The following KLHDC2 variants were observed in gnomAD, a reference collection of about 807,000 sequenced individuals.
KLHDC2 encodes the protein kelch domain containing 2, also known as kelch domain-containing protein 2.
In KLHDC2, 38 loss-of-function variants were observed where a neutral mutation model predicts 62.3. That is an observed-to-expected ratio of 0.61 (90% CI 0.47 to 0.80). KLHDC2 has a LOEUF of 0.80. KLHDC2 is among the 30% of genes least tolerant of loss of function. The pLI is 0.00. For missense variants in KLHDC2, 430 were observed against 495.3 expected (o/e 0.87, Z 1.25); for synonymous variants, 159 against 161.0 (o/e 0.99, Z 0.09).
chr14:49,773,433 T>C (rs1463380684), intron 2 of KLHDC2, among the ~76,000 whole-genome samples: 98 of 78,044 alleles, frequency 1.3e-3, no homozygotes, highest in African/African-American at 4.0e-3. Context: ...AAAAAAAAAA[T>C]TTAAGGCCAG....
intron 2 of KLHDC2, 124 bp downstream of exon 2, chr14:49,771,797 G>A (rs2139790114): frequency 1.7e-6 from 1 of 573,770 alleles, no homozygotes; most frequent in South Asian, 2.1e-5. Flanking sequence ...GAGGTCAAGA[G>A]TTCAACACCA....
rs146646540 is a variant in KLHDC2, at chr14:49,779,666, C to G, written c.705C>G (p.Gly235=). ...GAAATAGAGGCTTCGTGTTTGGAGG[C>G]AGATATCGAGTAAGTATTCAAACGA... ...TVGNRGFVFG[G]RYRDARMNDL... The change falls in exon 7 of 13, where the codon GGC becomes GGG. Residue 235 remains glycine, a synonymous_variant. Coordinates refer to ENST00000298307, the MANE Select transcript of KLHDC2 (RefSeq NM_014315.3). 10 of 1,613,804 alleles carry G rather than the reference C, an allele frequency of 6.2e-6. No homozygotes were observed. In the African/African-American group the frequency reaches 1.2e-4, roughly 19 times the overall value.
rs60013308 is a variant in KLHDC2, at chr14:49,768,766, G to GTT, written c.153+154_153+155dup. On this transcript the variant is annotated intron_variant, in intron 1 of 12. Transcript: ENST00000298307. ...CCACCTCAGACTCTGCCCGTTGGTT[G>GTT]TTTTTTTTTTGCGCGCGGGAATCTT... 1,248 of 608,510 alleles carry GTT rather than the reference G, an allele frequency of 2.1e-3. 15 individuals are homozygous for GTT. In the African/African-American group the frequency reaches 0.022, roughly 11 times the overall value. The allele number at this position is 608,510 out of a possible 1,614,324, so 37.7% of individuals were successfully genotyped here.
chr14:49,785,889 C>CAA lies in KLHDC2; in HGVS notation c.*2951_*2952dup, dbSNP rs5808514. The CAA allele has an allele frequency of 0.91, 112,941 of 124,128 alleles. 51,802 individuals are homozygous for CAA. Among genetic ancestry groups the CAA allele is most frequent in the South Asian group, 0.98 (3,673 of 3,752 alleles). The allele number at this position is 124,128 out of a possible 1,614,324, so 7.7% of individuals were successfully genotyped here. A position where few individuals can be genotyped will look rare whatever the true frequency, so the allele number is the denominator to read the frequency against. On this transcript the variant is annotated 3_prime_UTR_variant, in exon 13 of 13. Coordinates refer to ENST00000298307, the MANE Select transcript of KLHDC2 (RefSeq NM_014315.3). ...AGCCTGGGTGACAGAGACCCTGTCT[C>CAA]AAAAAAAAAAAAAAAAGGAAAAAAA...
Position 49,783,954 on chromosome 14 carries a change from T to TATA in KLHDC2, c.*1005_*1007dup, listed in dbSNP as rs1158637486. 6 of 152,156 alleles carry TATA rather than the reference T, an allele frequency of 3.9e-5. No homozygotes were observed. The highest frequency in any genetic ancestry group is 7.2e-5 in the African/African-American group (3 of 41,440). 9.4% of individuals were successfully genotyped at this position (152,156 alleles called of 1,614,324 possible). On this transcript the variant is annotated 3_prime_UTR_variant, in exon 13 of 13. Transcript: ENST00000298307. ...ATATTTAAACCCCTTGTAGCTGGCC[T>TATA]ATAATATATATATATTAGATGTTAT...
At chr14:49,771,514 ATC>A (rs1889663611) in intron 1 of KLHDC2, 78 bp from the exon 2 acceptor site, 3 of 682,888 alleles carry the variant, frequency 4.4e-6, no homozygotes, top group South Asian at 3.4e-5. Context: ...TGAAATTAGT[ATC>A]TCAAGATCGA....
chr14:49,768,909 G>C, intron 1 of KLHDC2: 1 of 402,216 alleles, frequency 2.5e-6, no homozygotes, highest in Non-Finnish European at 4.5e-6. Context: ...GTTATTCCGG[G>C]GAAGGCCCTG....
intron 1 of KLHDC2, among the ~76,000 whole-genome samples, chr14:49,770,040 A>C (rs1476982830): frequency 6.6e-6 from 1 of 152,148 alleles, no homozygotes; most frequent in Non-Finnish European, 1.5e-5. Flanking sequence ...CCCTGGAGAA[A>C]CCTGTCAATG....
chr14:49,784,230 G>A lies in KLHDC2; in HGVS notation c.*1277G>A, dbSNP rs1053152843. The A allele has an allele frequency of 6.5e-6, 1 of 152,914 alleles. No homozygotes were observed. The highest frequency in any genetic ancestry group is 2.4e-5 in the African/African-American group (1 of 40,832). The allele number at this position is 152,914 out of a possible 1,614,324, so 9.5% of individuals were successfully genotyped here. ...CTTTTGGTGAATATAGCAAGGCAAT[G>A]TTTAGTTCATTTGGCCTGTAATATA... is the stretch of plus-strand genomic sequence containing the variant. On this transcript the variant is annotated 3_prime_UTR_variant, in exon 13 of 13. Coordinates refer to ENST00000298307, the MANE Select transcript of KLHDC2 (RefSeq NM_014315.3).
rs751372578 is a variant in KLHDC2, at chr14:49,780,167, T to G, written c.774-46T>G. ...TTTAAAAGAAAACTTAAAAATACAG[T>G]AGCTGCTTCTAAATGCAGATATTGT... On this transcript the variant is annotated intron_variant, in intron 8 of 12. Transcript: ENST00000298307. 14 of 1,180,850 alleles carry G rather than the reference T, an allele frequency of 1.2e-5. No individual in the cohort carries two copies. In the South Asian group the frequency reaches 1.6e-4, roughly 14 times the overall value. The allele number at this position is 1,180,850 out of a possible 1,614,324, so 73.1% of individuals were successfully genotyped here.
chr14:49,777,859 G>A lies in KLHDC2; in HGVS notation c.372G>A (p.Arg124=), dbSNP rs760602713. The change falls in exon 4 of 13, where the codon AGG becomes AGA. Residue 124 remains arginine, a synonymous_variant. Transcript: ENST00000298307. The part of the protein sequence containing the change: ...NTNKFYMLDS[R]STDRVLQWER... Reference sequence around the variant, plus strand: ...GACAGTTCTACATGCTGGATTCAAGGTCTACAGACAGAGTGTTACAGTGGG... The same window carrying A: ...GACAGTTCTACATGCTGGATTCAAGATCTACAGACAGAGTGTTACAGTGGG... The A allele has an allele frequency of 4.4e-6, 7 of 1,599,714 alleles. No homozygotes were observed. Among genetic ancestry groups the A allele is most frequent in the Non-Finnish European group, 6.0e-6 (7 of 1,171,324 alleles).
chr14:49,781,239 TG>T (rs1168337545), intron 10 of KLHDC2, among the ~76,000 whole-genome samples: 2 of 151,956 alleles, frequency 1.3e-5, no homozygotes, highest in Admixed American at 6.6e-5. Context: ...TGGTGGCGTA[TG>T]CCTGTATAAT....
At position 49,768,592 on chromosome 14, in the gene KLHDC2, C is replaced by A. The variant is rs754731731; in HGVS notation, c.124C>A (p.Arg42Ser). The A allele has an allele frequency of 1.2e-5, 19 of 1,602,134 alleles. No individual in the cohort carries two copies. The highest frequency in any genetic ancestry group is 8.6e-5 in the Admixed American group (5 of 58,382). The stretch of plus-strand genomic sequence containing the variant: ...CGGCCACGTAGCCGTCAGCGACGGG[C>A]GCCACATGTTCGTCTGGGGCGGCTA... ...RSGHVAVSDG[R>S]HMFVWGGYKS... Residue 42 changes from arginine (R) to serine (S), a missense_variant, in exon 1 of 13, where the codon CGC becomes AGC. By Grantham distance (110) the Arg-to-Ser change is moderately radical. Transcript: ENST00000298307.
rs761522077 is a variant in KLHDC2 at position 49,780,329 on chromosome 14, C to A, written c.883+7C>A. On this transcript the variant is annotated splice_region_variant and intron_variant, in intron 9 of 12. Transcript: ENST00000298307. ...ACTGATAAACAGCCACTAAGTAAGT[C>A]CTTGAAAAATATGATAATGAAATCA... The A allele has an allele frequency of 2.3e-5, 34 of 1,493,754 alleles. No homozygotes were observed. The highest frequency in any genetic ancestry group is 3.1e-5 in the Non-Finnish European group (33 of 1,070,608). 92.5% of individuals were successfully genotyped at this position (1,493,754 alleles called of 1,614,324 possible).
At position 49,771,617 on chromosome 14, in the gene KLHDC2, T is replaced by A; in HGVS notation, c.177T>A (p.Tyr59Ter). 6.7e-7 allele frequency: 1 copy of A among 1,501,174 alleles called. No individual in the cohort carries two copies. Among genetic ancestry groups the A allele is most frequent in the Non-Finnish European group, 9.3e-7 (1 of 1,077,580 alleles). The allele number at this position is 1,501,174 out of a possible 1,614,324, so 93.0% of individuals were successfully genotyped here. A position where few individuals can be genotyped will look rare whatever the true frequency, so the allele number is the denominator to read the frequency against. Residue 59 changes from tyrosine to a stop codon, truncating the protein, a stop_gained, in exon 2 of 13, where the codon TAT (tyrosine) becomes TAA (stop). Transcript: ENST00000298307. LOFTEE classifies it high-confidence loss of function. ...GYKSNQVRGLYDFYLPREELW... is the reference protein window; with the variant it reads ...GYKSNQVRGL ...AGAGTAATCAAGTCAGAGGATTATA[T>A]GACTTTTATCTGCCTAGAGAAGAAC...
intron 10 of KLHDC2, chr14:49,782,142 C>T: frequency 4.0e-6 from 2 of 496,216 alleles, no homozygotes; most frequent in South Asian, 6.9e-5. Context: ...GTTCAAACTC[C>T]TCATTGCATA....
chr14:49,784,455 C>T lies in KLHDC2; in HGVS notation c.*1502C>T. On this transcript the variant is annotated 3_prime_UTR_variant, in exon 13 of 13. Coordinates refer to ENST00000298307, the MANE Select transcript of KLHDC2 (RefSeq NM_014315.3). ...ATACTTTTGGAAATCCTATCATAGA[C>T]AGTGTTTCCTCTATATAAAACTGGG... is the stretch of plus-strand genomic sequence containing the variant. 1.9e-6 allele frequency: 1 copy of T among 527,514 alleles called. No homozygotes were observed. Among genetic ancestry groups the T allele is most frequent in the Non-Finnish European group, 3.4e-6 (1 of 298,124 alleles). The allele number at this position is 527,514 out of a possible 1,614,324, so 32.7% of individuals were successfully genotyped here. A position where few individuals can be genotyped will look rare whatever the true frequency, so the allele number is the denominator to read the frequency against.
At position 49,780,240 on chromosome 14, in the gene KLHDC2, T is replaced by G. The variant is rs1009427576; in HGVS notation, c.801T>G (p.Gly267=). The change falls in exon 9 of 13, where the codon GGT becomes GGG. Residue 267 remains glycine, a synonymous_variant. Transcript: ENST00000298307. ...ELIPQGICPV[G]RSWHSLTPVS... ...TTCCACAAGGCATATGCCCAGTTGG[T>G]CGATCTTGGCACTCACTAACACCAG... The G allele has an allele frequency of 2.5e-6, 4 of 1,612,838 alleles. No individual in the cohort carries two copies. The highest frequency in any genetic ancestry group is 3.4e-6 in the Non-Finnish European group (4 of 1,178,940).
chr14:49,778,555 G>GTTGGGGTGGGT, intron 6 of KLHDC2, 61 bp downstream of exon 6: 1 of 330,182 alleles, frequency 3.0e-6, no homozygotes, highest in Non-Finnish European at 6.3e-6. Flanking sequence ...GAGGGGTGGG[G>GTTGGGGTGGGT]TAGGGGAGAG....
Sources: allele counts gnomAD v4.1 joint callset (sites outside exome capture counted in the v4.1 genomes callset), GRCh38; gene constraint gnomAD v4.1.1; transcripts MANE v1.5; gene names NCBI Gene and HGNC (gene_info 2026-07-23, HGNC 2026-07-21).